EFCAB5: variants seen among roughly 807,000 people sequenced by gnomAD.
EFCAB5 encodes the protein EF-hand calcium binding domain 5, also known as EF-hand calcium-binding domain-containing protein 5.
EFCAB5 carries 131 observed loss-of-function variants against 167.9 expected under a neutral mutation model. That is an observed-to-expected ratio of 0.78 (90% CI 0.68 to 0.90). EFCAB5 has a LOEUF of 0.90. Among genes scored for constraint, EFCAB5 ranks in the 40% least tolerant of loss-of-function variants. EFCAB5 has a pLI of 0.00. For synonymous variants in EFCAB5, 574 were observed against 602.8 expected (o/e 0.95, Z 0.70); for missense variants, 1,663 against 1,745.2 (o/e 0.95, Z 0.84).
At chr17:30,098,724 C>T (rs182891901) in intron 22 of EFCAB5, among the ~76,000 whole-genome samples, 1 of 152,218 alleles carries the variant, frequency 6.6e-6, no homozygotes, top group East Asian at 1.9e-4. Context: ...GAATATATAT[C>T]CCAGATTGTG....
rs191233261 is a variant in EFCAB5 at position 30,008,601 on chromosome 17, A to T, written c.1044+8625A>T. Among the ~76,000 whole-genome samples the T allele has an allele frequency of 9.3e-3, 1,411 of 151,140 alleles. 10 individuals are homozygous for T. Among genetic ancestry groups the T allele is most frequent in the African/African-American group, 0.021 (881 of 41,410 alleles). Reference sequence around the variant, plus strand: ...CAAGACTCCATCTCAAAAAAAAAAAATTTTTTTATATTTTAAAATTTAAAA... The same window carrying T: ...CAAGACTCCATCTCAAAAAAAAAAATTTTTTTTATATTTTAAAATTTAAAA... On this transcript the variant is annotated intron_variant, in intron 7 of 22. Coordinates refer to ENST00000394835, the MANE Select transcript of EFCAB5 (RefSeq NM_198529.4).
chr17:30,089,684 G>A (rs767949922), intron 19 of EFCAB5, among the ~76,000 whole-genome samples: 4 of 152,038 alleles, frequency 2.6e-5, no homozygotes, highest in South Asian at 4.1e-4. Context: ...CTGGAGGAGC[G>A]CCCTTGAGCG....
rs2068829159 is a variant in EFCAB5 at position 30,008,730 on chromosome 17, G to A, written c.1044+8754G>A. Reference sequence around the variant, plus strand: ...AAGGTAAAAAATTTACAATAATTGTGCAGATTTTTAAACTTTTTTTGGTAG... The same window carrying A: ...AAGGTAAAAAATTTACAATAATTGTACAGATTTTTAAACTTTTTTTGGTAG... On this transcript the variant is annotated intron_variant, in intron 7 of 22. Transcript: ENST00000394835. Among the ~76,000 whole-genome samples the A allele has an allele frequency of 2.0e-5, 3 of 152,052 alleles. No homozygotes were observed. The South Asian group carries it at 6.2e-4, about 32-fold the overall frequency.
In EFCAB5 at chr17:30,080,755, T is replaced by A. The variant is rs766559720; in HGVS notation, c.3200T>A (p.Phe1067Tyr). 1 of 1,596,388 alleles carries A rather than the reference T, an allele frequency of 6.3e-7. No homozygotes were observed. The highest frequency in any genetic ancestry group is 1.3e-5 in the African/African-American group (1 of 74,662). ...ATCCTCATACTCTTTTTCCTCAGCTTTACAGTAGTGGATGAAGGGAAGCCA... is the reference window on the plus strand; with the variant it reads ...ATCCTCATACTCTTTTTCCTCAGCTATACAGTAGTGGATGAAGGGAAGCCA... ...VLYRDMKGIS[F>Y]TVVDEGKPIH... Residue 1067 changes from phenylalanine (F) to tyrosine (Y), a missense_variant and splice_region_variant, in exon 17 of 23, where the codon TTT (phenylalanine) becomes TAT (tyrosine). Transcript: ENST00000394835.
intron 1 of EFCAB5, among the ~76,000 whole-genome samples, chr17:29,931,567 AAATT>A (rs2067195604): frequency 6.6e-6 from 1 of 152,164 alleles, no homozygotes; most frequent in Non-Finnish European, 1.5e-5. Context: ...CTGTGAGACA[AAATT>A]AAACAAAGAT....
intron 4 of EFCAB5, among the ~76,000 whole-genome samples, chr17:29,987,522 G>C (rs1187714118): frequency 6.6e-6 from 1 of 152,164 alleles, no homozygotes; most frequent in Non-Finnish European, 1.5e-5. Flanking sequence ...TTCTGTAGAT[G>C]CTGTTCAGCT....
At position 30,099,756 on chromosome 17, in the gene EFCAB5, C is replaced by A. The variant is rs138232853; in HGVS notation, c.4321+6820C>A. ...GAGGTGGGTGGGGGCCAAAATGTAT[C>A]CCGGATTCCATTCACTAGACTGTGT... On this transcript the variant is annotated intron_variant, in intron 22 of 22. Coordinates refer to ENST00000394835, the MANE Select transcript of EFCAB5 (RefSeq NM_198529.4). Among the ~76,000 whole-genome samples, 266 of 152,162 alleles carry A rather than the reference C, an allele frequency of 1.7e-3. 2 individuals are homozygous for A. The highest frequency in any genetic ancestry group is 6.1e-3 in the African/African-American group (253 of 41,542).
intron 7 of EFCAB5, among the ~76,000 whole-genome samples, chr17:30,015,557 A>G (rs1216936822): frequency 1.3e-5 from 2 of 152,142 alleles, no homozygotes; most frequent in African/African-American, 4.8e-5. Context: ...TAGTTGCACC[A>G]TTTTACATTC....
At chr17:30,065,893 G>T (rs953604773) in intron 14 of EFCAB5, among the ~76,000 whole-genome samples, 1 of 152,152 alleles carries the variant, frequency 6.6e-6, no homozygotes, top group African/African-American at 2.4e-5. Flanking sequence ...GATCAATTCA[G>T]CAAGTGAACA....
intron 19 of EFCAB5, among the ~76,000 whole-genome samples, chr17:30,089,704 C>T (rs952368626): frequency 7.9e-5 from 12 of 152,144 alleles, no homozygotes; most frequent in African/African-American, 2.4e-4. Flanking sequence ...GATTGGAGCT[C>T]TTCACCAGGA....
intron 9 of EFCAB5, among the ~76,000 whole-genome samples, chr17:30,052,382 G>T (rs1210795299): frequency 6.6e-6 from 1 of 152,028 alleles, no homozygotes; most frequent in East Asian, 1.9e-4. Flanking sequence ...GGGCAGGCAG[G>T]TCTCAAACTC....
At chr17:29,999,495 G>T (rs1462977994) in intron 6 of EFCAB5, among the ~76,000 whole-genome samples, 1 of 152,036 alleles carries the variant, frequency 6.6e-6, no homozygotes, top group African/African-American at 2.4e-5. Flanking sequence ...TTAACTAAAA[G>T]AACATTTTTA....
At chr17:30,047,661 G>A (rs2069964760) in intron 8 of EFCAB5, among the ~76,000 whole-genome samples, 1 of 152,136 alleles carries the variant, frequency 6.6e-6, no homozygotes, top group South Asian at 2.1e-4. Context: ...AATGAACAGT[G>A]GGAGTTAAAG....
In EFCAB5 at chr17:30,037,276, G is replaced by A. The variant is rs141381671; in HGVS notation, c.1200+2891G>A. ...AAATACCTGTGTGTAAAGGACAGTCGGTGTGCAGAGATGATGACTGTGAAA... is the reference window on the plus strand; with the variant it reads ...AAATACCTGTGTGTAAAGGACAGTCAGTGTGCAGAGATGATGACTGTGAAA... On this transcript the variant is annotated intron_variant, in intron 8 of 22. Transcript: ENST00000394835. Among the ~76,000 whole-genome samples, 960 of 152,246 alleles carry A rather than the reference G, an allele frequency of 6.3e-3. 3 individuals carry two copies. Among genetic ancestry groups the A allele is most frequent in the Non-Finnish European group, 0.011 (733 of 68,006 alleles).
At position 29,969,269 on chromosome 17, in the gene EFCAB5, T is replaced by G; in HGVS notation, c.669T>G (p.Pro223=). The stretch of plus-strand genomic sequence containing the variant: ...GGGAATATTTAATAAGAAACAATCC[T>G]AATTATATCAAAGACCCAGGAATGT... The part of the protein sequence containing the change: ...YLGEYLIRNN[P]NYIKDPGMSG... Residue 223 remains proline (P), a synonymous_variant, in exon 4 of 23, where the codon CCT becomes CCG. Coordinates refer to ENST00000394835, the MANE Select transcript of EFCAB5 (RefSeq NM_198529.4). The G allele has an allele frequency of 1.2e-6, 2 of 1,613,690 alleles. No homozygotes were observed. Among genetic ancestry groups the G allele is most frequent in the Non-Finnish European group, 1.7e-6 (2 of 1,179,784 alleles).
At chr17:30,020,144 T>C (rs1373178040) in intron 7 of EFCAB5, among the ~76,000 whole-genome samples, 2 of 152,280 alleles carry the variant, frequency 1.3e-5, no homozygotes, top group South Asian at 2.1e-4. Flanking sequence ...TTCCATTGTG[T>C]ATATACACCA....
chr17:30,051,245 C>T, intron 9 of EFCAB5, 28 bp downstream of exon 9: 1 of 1,601,596 alleles, frequency 6.2e-7, no homozygotes, highest in Non-Finnish European at 8.6e-7. Flanking sequence ...GGAGTATGTT[C>T]AAGCTGGAGT....
At chr17:30,043,777 C>A (rs1315154065) in intron 8 of EFCAB5, among the ~76,000 whole-genome samples, 1 of 152,096 alleles carries the variant, frequency 6.6e-6, no homozygotes, top group African/African-American at 2.4e-5. Context: ...ATGAATGAAT[C>A]AAAAAATTCA....
intron 4 of EFCAB5, among the ~76,000 whole-genome samples, chr17:29,988,223 A>G (rs180869439): frequency 6.6e-6 from 1 of 152,310 alleles, no homozygotes; most frequent in East Asian, 1.9e-4. Flanking sequence ...ATGAGCCCTA[A>G]TGTGAGTGAT....
Sources: allele counts gnomAD v4.1 joint callset (sites outside exome capture counted in the v4.1 genomes callset), GRCh38; gene constraint gnomAD v4.1.1; transcripts MANE v1.5; gene names NCBI Gene and HGNC (gene_info 2026-07-23, HGNC 2026-07-21).